The following IQCH variants were observed in gnomAD, a reference collection of about 807,000 sequenced individuals.
The protein encoded by IQCH is IQ domain-containing protein H.
Under a neutral mutation model 117.0 loss-of-function variants are expected in IQCH, and 98 were observed. The observed-to-expected ratio is 0.84, with a 90% CI of 0.71 to 0.99. The LOEUF (loss-of-function observed/expected upper bound fraction) is 0.99. Ranked by LOEUF, IQCH falls within the 50% of genes least tolerant of loss-of-function variation. IQCH has a pLI of 0.00. For missense variants in IQCH, 1,102 were observed against 1,243.8 expected (o/e 0.89, Z 1.72); for synonymous variants, 412 against 448.2 (o/e 0.92, Z 1.02).
intron 16 of IQCH, among the ~76,000 whole-genome samples, chr15:67,452,158 T>C (rs942318834): frequency 9.9e-5 from 15 of 152,246 alleles, no homozygotes; most frequent in Non-Finnish European, 1.9e-4. Context: ...AGCACACTGA[T>C]GGGTCTTGAC....
At chr15:67,263,996 G>C (rs1218863766) in intron 3 of IQCH, among the ~76,000 whole-genome samples, 1 of 152,170 alleles carries the variant, frequency 6.6e-6, no homozygotes. Context: ...CAGCATAAAT[G>C]AAAAATATTA....
At chr15:67,455,099 G>A (rs939697772) in intron 16 of IQCH, among the ~76,000 whole-genome samples, 2 of 152,102 alleles carry the variant, frequency 1.3e-5, no homozygotes, top group Admixed American at 6.5e-5. Context: ...CATCCTTGTG[G>A]GTGTGAAGGA....
At chr15:67,444,825 C>G (rs1428886721) in intron 16 of IQCH, among the ~76,000 whole-genome samples, 1 of 152,126 alleles carries the variant, frequency 6.6e-6, no homozygotes, top group Non-Finnish European at 1.5e-5. Context: ...AAATTTCAAA[C>G]TTTTTTGCCA....
chr15:67,320,941 A>G (rs2140596374), intron 4 of IQCH, among the ~76,000 whole-genome samples: 1 of 152,308 alleles, frequency 6.6e-6, no homozygotes, highest in East Asian at 1.9e-4. Flanking sequence ...TGCCTTATGA[A>G]TCTTTAAGAA....
chr15:67,269,671 A>C (rs1293041578), intron 3 of IQCH, among the ~76,000 whole-genome samples: 2 of 146,612 alleles, frequency 1.4e-5, no homozygotes, highest in Middle Eastern at 3.2e-3. Flanking sequence ...GGTAACCACC[A>C]ATCTACTCTC....
intron 4 of IQCH, among the ~76,000 whole-genome samples, chr15:67,323,347 A>G (rs534181060): frequency 7.0e-6 from 1 of 143,020 alleles, no homozygotes; most frequent in Non-Finnish European, 1.5e-5. Context: ...GGTTCACGCC[A>G]TTCTCCTGCC....
At chr15:67,461,212 C>G (rs2082784487) in intron 16 of IQCH, among the ~76,000 whole-genome samples, 1 of 152,116 alleles carries the variant, frequency 6.6e-6, no homozygotes, top group African/African-American at 2.4e-5. Flanking sequence ...CCCGTCCCTA[C>G]TAAAAATACA....
intron 4 of IQCH, among the ~76,000 whole-genome samples, chr15:67,286,909 G>A (rs1218697468): frequency 2.6e-5 from 4 of 152,080 alleles, no homozygotes; most frequent in East Asian, 1.9e-4. Context: ...CACCACGCCC[G>A]GCCTATATAT....
chr15:67,494,006 C>T lies in IQCH; in HGVS notation c.2862-252C>T, dbSNP rs77826076. Among the ~76,000 whole-genome samples the T allele has an allele frequency of 9.8e-4, 149 of 152,272 alleles. No individual in the cohort carries two copies. Among genetic ancestry groups the T allele is most frequent in the Admixed American group, 2.4e-3 (37 of 15,296 alleles). Reference sequence around the variant, plus strand: ...ACATCCTAGCTCAGTGGTAGACTTTCGCTAGAAATGACCTACCCTATTGGT... The same window carrying T: ...ACATCCTAGCTCAGTGGTAGACTTTTGCTAGAAATGACCTACCCTATTGGT... On this transcript the variant is annotated intron_variant, in intron 19 of 20. Coordinates refer to ENST00000335894, the MANE Select transcript of IQCH (RefSeq NM_001031715.3). This position sits in a 1 kb window ranked among gnomAD's most constrained non-coding sequence, Gnocchi z 5.5.
At chr15:67,352,969 A>C (rs1969729561) in intron 6 of IQCH, among the ~76,000 whole-genome samples, 1 of 152,064 alleles carries the variant, frequency 6.6e-6, no homozygotes, top group South Asian at 2.1e-4. Context: ...AAAATGGTGA[A>C]ACCCCGTCTT....
intron 4 of IQCH, among the ~76,000 whole-genome samples, chr15:67,280,711 A>G (rs1224405924): frequency 6.6e-6 from 1 of 152,124 alleles, no homozygotes; most frequent in Non-Finnish European, 1.5e-5. Context: ...GGGCACAAAC[A>G]TTCAGTCCAT....
intron 4 of IQCH, among the ~76,000 whole-genome samples, chr15:67,295,707 G>A (rs1966848454): frequency 1.3e-5 from 2 of 152,118 alleles, no homozygotes; most frequent in Admixed American, 6.5e-5. Flanking sequence ...GTCACATATA[G>A]ACAAATGAAT....
chr15:67,495,068 T>C (rs2083769417), intron 20 of IQCH, among the ~76,000 whole-genome samples: 1 of 152,230 alleles, frequency 6.6e-6, no homozygotes, highest in Non-Finnish European at 1.5e-5. Flanking sequence ...ATGAATCTGA[T>C]TCCCAGCCTA....
intron 20 of IQCH, among the ~76,000 whole-genome samples, chr15:67,497,114 C>A (rs1014913151): frequency 2.0e-5 from 3 of 150,568 alleles, no homozygotes; most frequent in Non-Finnish European, 4.4e-5. Context: ...AGCAAGAGGA[C>A]TGCTTGAACC....
At chr15:67,470,919 A>G (rs1018306373) in intron 17 of IQCH, among the ~76,000 whole-genome samples, 3 of 152,268 alleles carry the variant, frequency 2.0e-5, no homozygotes, top group Non-Finnish European at 1.5e-5. Context: ...TTTTATACCC[A>G]AAATGTAGCC....
At position 67,387,099 on chromosome 15, in the gene IQCH, G is replaced by A. The variant is rs1163430005; in HGVS notation, c.1457-1732G>A. ...AACCTCTACTGTAATTTGGTTAGAC[G>A]CTAGTCTCTTCTTCAAAATACAAGA... is the stretch of plus-strand genomic sequence containing the variant. On this transcript the variant is annotated intron_variant, in intron 11 of 20. Coordinates refer to ENST00000335894, the MANE Select transcript of IQCH (RefSeq NM_001031715.3). This position sits in a 1 kb window ranked among gnomAD's most constrained non-coding sequence, Gnocchi z 4.8. 2.0e-5 allele frequency among the ~76,000 whole-genome samples: 3 copies of A among 151,988 alleles called. No homozygotes were observed. The highest frequency in any genetic ancestry group is 6.6e-5 in the Admixed American group (1 of 15,260).
chr15:67,460,750 C>T (rs1596430412), intron 16 of IQCH, among the ~76,000 whole-genome samples: 1 of 152,284 alleles, frequency 6.6e-6, no homozygotes, highest in East Asian at 1.9e-4. Flanking sequence ...GGTTCTGCAA[C>T]CTAGGGCAAC....
chr15:67,272,344 A>G (rs1965932161), intron 3 of IQCH, among the ~76,000 whole-genome samples: 1 of 152,186 alleles, frequency 6.6e-6, no homozygotes, highest in Admixed American at 6.5e-5. Flanking sequence ...ATTTCTAAGA[A>G]TGTTCTCTAT....
chr15:67,451,579 G>A (rs2082528114), intron 16 of IQCH, among the ~76,000 whole-genome samples: 1 of 151,926 alleles, frequency 6.6e-6, no homozygotes, highest in South Asian at 2.1e-4. Flanking sequence ...TTGCACTGTG[G>A]TCTGAGAGAC....
Sources: allele counts gnomAD v4.1 joint callset (sites outside exome capture counted in the v4.1 genomes callset), GRCh38; gene constraint gnomAD v4.1.1; non-coding constraint Gnocchi (gnomAD v3.1); transcripts MANE v1.5; gene names NCBI Gene and HGNC (gene_info 2026-07-23, HGNC 2026-07-21).